Variants in WDPCP observed in about 807,000 individuals in gnomAD.
WDPCP encodes the protein WD repeat-containing and planar cell polarity effector protein fritz homolog.
Under a neutral mutation model 93.1 loss-of-function variants are expected in WDPCP, and 71 were observed. The ratio of observed to expected loss-of-function variants is 0.76; its 90% CI spans 0.63 to 0.93. WDPCP has a LOEUF of 0.93. WDPCP is among the 40% of genes least tolerant of loss of function. The pLI is 0.00. For synonymous variants in WDPCP, 315 were observed against 315.0 expected, an observed-to-expected ratio of 1.00 and a Z score of 0.00; for missense variants, 844 against 887.4, an observed-to-expected ratio of 0.95 and a Z score of 0.62.
intron 9 of WDPCP, among the ~76,000 whole-genome samples, chr2:63,416,295 G>T (rs891801756): frequency 3.9e-5 from 6 of 151,958 alleles, no homozygotes; most frequent in Non-Finnish European, 8.8e-5. Flanking sequence ...CGCCTCCCGG[G>T]TTCAAGTGAT....
intron 2 of WDPCP, among the ~76,000 whole-genome samples, chr2:63,674,696 TG>T: frequency 6.8e-6 from 1 of 146,100 alleles, no homozygotes; most frequent in Non-Finnish European, 1.5e-5. Flanking sequence ...GCAGATCTCA[TG>T]TTAAGTGTTC....
upstream of WDPCP, chr2:63,593,569 G>A (rs1709243374): frequency 4.2e-6 from 2 of 471,422 alleles, no homozygotes; most frequent in Non-Finnish European, 8.8e-6. Flanking sequence ...GGAACTTTAA[G>A]TAAAAAGAAA....
chr2:63,742,834 C>G (rs1406513744), intron 2 of WDPCP, among the ~76,000 whole-genome samples: 1 of 151,308 alleles, frequency 6.6e-6, no homozygotes, highest in Non-Finnish European at 1.5e-5. Context: ...TAACACAGAG[C>G]CCAATGTTAT....
intron 2 of WDPCP, among the ~76,000 whole-genome samples, chr2:63,775,490 G>A (rs1670289206): frequency 6.6e-6 from 1 of 152,172 alleles, no homozygotes. Context: ...CAGTTGGCTT[G>A]TTTGTGTCTT....
intron 17 of WDPCP, among the ~76,000 whole-genome samples, chr2:63,124,738 A>C (rs187475413): frequency 1.4e-4 from 21 of 152,380 alleles, no homozygotes; most frequent in African/African-American, 5.0e-4. Flanking sequence ...AAGAAATCTT[A>C]AAACTCCCTA....
At chr2:63,633,570 C>T (rs1290003304) in intron 3 of WDPCP, among the ~76,000 whole-genome samples, 1 of 151,684 alleles carries the variant, frequency 6.6e-6, no homozygotes, top group African/African-American at 2.4e-5. Context: ...ATGGTAACAA[C>T]AAAGTACAAA....
chr2:63,652,672 G>T (rs1299475153), intron 2 of WDPCP, among the ~76,000 whole-genome samples: 1 of 152,300 alleles, frequency 6.6e-6, no homozygotes, highest in Middle Eastern at 3.4e-3. Flanking sequence ...AGGAACCTGA[G>T]GATAAAAGGA....
intron 14 of WDPCP, among the ~76,000 whole-genome samples, chr2:63,186,863 G>A (rs1408742847): frequency 3.5e-5 from 5 of 143,706 alleles, no homozygotes; most frequent in Admixed American, 2.8e-4. Context: ...AAGAGTCTCT[G>A]ATCTGCCGCC....
In WDPCP at chr2:63,229,923, G is replaced by A. The variant is rs182385741; in HGVS notation, c.1915+29384C>T. ...AAAAAAAAAGACAAAAAAAATAAGC[G>A]TAACTAGTTTTTATTTTTATTTTTT... On this transcript the variant is annotated intron_variant, in intron 14 of 17. Transcript: ENST00000272321. 755 of 154,894 alleles carry A rather than the reference G, an allele frequency of 4.9e-3. 6 individuals are homozygous for A. The highest frequency in any genetic ancestry group is 0.015 in the Middle Eastern group (14 of 912). The allele number at this position is 154,894 out of a possible 1,614,324, so 9.6% of individuals were successfully genotyped here.
chr2:63,183,846 T>TAA (rs1028807454), intron 14 of WDPCP, among the ~76,000 whole-genome samples: 14 of 152,144 alleles, frequency 9.2e-5, no homozygotes, highest in Non-Finnish European at 1.5e-4. Context: ...TGTCCTTTTG[T>TAA]AGAATTGATC....
intron 14 of WDPCP, among the ~76,000 whole-genome samples, chr2:63,238,063 AT>A (rs1679556593): frequency 6.6e-6 from 1 of 152,070 alleles, no homozygotes; most frequent in Non-Finnish European, 1.5e-5. Context: ...ATAAGATGAC[AT>A]GCCCAAAATG....
intron 12 of WDPCP, among the ~76,000 whole-genome samples, chr2:63,315,135 C>A (rs1158948235): frequency 1.3e-5 from 2 of 152,072 alleles, no homozygotes; most frequent in Non-Finnish European, 2.9e-5. Context: ...GCCATATCCT[C>A]CATAAAAAAA....
At chr2:63,715,027 A>G (rs184511083) in intron 2 of WDPCP, among the ~76,000 whole-genome samples, 1 of 152,376 alleles carries the variant, frequency 6.6e-6, no homozygotes, top group East Asian at 1.9e-4. Flanking sequence ...TGAAAATATT[A>G]GGCTAAGTGG....
At chr2:63,259,436 T>A in intron 13 of WDPCP, 27 bp from the exon 14 acceptor site, 1 of 1,577,396 alleles carries the variant, frequency 6.3e-7, no homozygotes, top group Non-Finnish European at 8.7e-7. Flanking sequence ...AAATAAAAGA[T>A]TGATTCAAAA....
intron 14 of WDPCP, among the ~76,000 whole-genome samples, chr2:63,231,799 T>G (rs1347259952): frequency 6.6e-6 from 1 of 151,582 alleles, no homozygotes; most frequent in African/African-American, 2.4e-5. Flanking sequence ...CAAGCTACCA[T>G]TGACTTTCTT....
chr2:63,606,876 G>C (rs1709542128), intron 3 of WDPCP: 3 of 1,610,928 alleles, frequency 1.9e-6, no homozygotes, highest in Non-Finnish European at 2.5e-6. Flanking sequence ...AGACCTGGAA[G>C]TTTGTTGAAG....
chr2:63,586,324 C>T (rs3754540), intron 1 of WDPCP, among the ~76,000 whole-genome samples: 37,082 of 151,932 alleles, frequency 0.24, 5,490 homozygotes, highest in East Asian at 0.7. Flanking sequence ...CTAAATAACG[C>T]GAGGCTGGGC....
intron 2 of WDPCP, among the ~76,000 whole-genome samples, chr2:63,706,638 C>T (rs1200128841): frequency 9.3e-6 from 1 of 107,438 alleles, no homozygotes; most frequent in Non-Finnish European, 1.7e-5. Flanking sequence ...GAGACGGAGT[C>T]TCGCTCTGTC....
chr2:63,537,990 A>G (rs1392111039), intron 1 of WDPCP, among the ~76,000 whole-genome samples: 4 of 152,340 alleles, frequency 2.6e-5, no homozygotes, highest in East Asian at 3.9e-4. Flanking sequence ...TAAGTCCCGC[A>G]TGGCAAAATC....
Sources: allele counts gnomAD v4.1 joint callset (sites outside exome capture counted in the v4.1 genomes callset), GRCh38; gene constraint gnomAD v4.1.1; transcripts MANE v1.5; gene names NCBI Gene and HGNC (gene_info 2026-07-23, HGNC 2026-07-21).